Variants in MYO9A observed in about 807,000 individuals in gnomAD.
The protein encoded by MYO9A is myosin IXA.
A neutral mutation model predicts 293.3 loss-of-function variants in MYO9A; 103 were observed. That is an observed-to-expected ratio of 0.35 (90% CI 0.30 to 0.41). MYO9A has a LOEUF of 0.41. MYO9A is among the 10% of genes least tolerant of loss of function. The pLI, the probability that MYO9A is intolerant of heterozygous loss-of-function variation, is 1.00. For missense variants in MYO9A, 2,685 were observed against 3,033.0 expected, an observed-to-expected ratio of 0.89 and a Z score of 2.69; for synonymous variants, 1,001 against 1,035.7, an observed-to-expected ratio of 0.97 and a Z score of 0.64.
At chr15:71,866,345 C>T (rs968687709) in intron 32 of MYO9A, among the ~76,000 whole-genome samples, 38 of 152,078 alleles carry the variant, frequency 2.5e-4, no homozygotes, top group African/African-American at 8.4e-4. Flanking sequence ...TAGTGATTAT[C>T]CGTGCTGAGA....
At chr15:72,009,183 T>C (rs1485458561) in intron 7 of MYO9A, among the ~76,000 whole-genome samples, 1 of 152,226 alleles carries the variant, frequency 6.6e-6, no homozygotes, top group Non-Finnish European at 1.5e-5. Flanking sequence ...CATGAGCCTC[T>C]TTTAAAAATG....
intron 12 of MYO9A, among the ~76,000 whole-genome samples, chr15:71,973,424 T>C (rs2076062053): frequency 1.3e-5 from 2 of 152,138 alleles, no homozygotes; most frequent in Non-Finnish European, 2.9e-5. Context: ...GGCAGTAGCT[T>C]TGGTTTAAAT....
rs759347363 is a variant in MYO9A, at chr15:71,848,856, G to A, written c.6826C>T (p.Arg2276Cys). The change falls in exon 39 of 42, where the codon CGT (arginine) becomes TGT (cysteine). Residue 2276 changes from arginine (R) to cysteine (C), a missense_variant. Coordinates refer to ENST00000356056, the MANE Select transcript of MYO9A (RefSeq NM_006901.4). ...GTGTTGCATCTTACCATTGATCTAC[G>A]AATCAGTGACAACCTGGTCTTTGCC... ...NKAKTRLSLIRRSMGKGRIRR... is the reference protein window; with the variant it reads ...NKAKTRLSLICRSMGKGRIRR... 6.2e-6 allele frequency: 10 copies of A among 1,602,864 alleles called. No homozygotes were observed. In the African/African-American group the frequency reaches 8.1e-5, roughly 13 times the overall value.
intron 14 of MYO9A, among the ~76,000 whole-genome samples, chr15:71,956,827 A>ATG (rs2059209540): frequency 8.0e-6 from 1 of 125,510 alleles, no homozygotes; most frequent in South Asian, 2.4e-4. Flanking sequence ...TATATATGCT[A>ATG]TATATATATA....
At chr15:71,962,778 C>T (rs1334768696) in intron 13 of MYO9A, among the ~76,000 whole-genome samples, 1 of 152,204 alleles carries the variant, frequency 6.6e-6, no homozygotes, top group Non-Finnish European at 1.5e-5. Context: ...GTCTGCCCTA[C>T]TCCTATTAAT....
At chr15:71,963,301 T>C (rs1216774664) in intron 13 of MYO9A, among the ~76,000 whole-genome samples, 1 of 152,096 alleles carries the variant, frequency 6.6e-6, no homozygotes, top group African/African-American at 2.4e-5. Flanking sequence ...CCCAGGCTGA[T>C]CTCGAACTCC....
intron 22 of MYO9A, 139 bp downstream of exon 22, chr15:71,902,802 A>T: frequency 3.2e-6 from 2 of 627,172 alleles, no homozygotes; most frequent in Non-Finnish European, 5.0e-6. Flanking sequence ...CTACATAATT[A>T]AATAAAAACC....
intron 7 of MYO9A, 26 bp downstream of exon 7, chr15:72,010,324 T>C (rs745543839): frequency 1.6e-5 from 26 of 1,581,444 alleles, no homozygotes; most frequent in Non-Finnish European, 2.2e-5. Flanking sequence ...CTATTAGAGA[T>C]ATAAAAATAC....
chr15:71,920,887 A>G (rs891394343), intron 18 of MYO9A, among the ~76,000 whole-genome samples: 2 of 152,196 alleles, frequency 1.3e-5, no homozygotes, highest in Admixed American at 1.3e-4. Context: ...GCAAGCGGTC[A>G]GCAAAAATCG....
At chr15:72,024,846 A>G (rs1304693511) in intron 4 of MYO9A, among the ~76,000 whole-genome samples, 1 of 152,214 alleles carries the variant, frequency 6.6e-6, no homozygotes, top group Non-Finnish European at 1.5e-5. Flanking sequence ...AGAAATGCCA[A>G]TGAAATTAAA....
intron 40 of MYO9A, 24 bp from the exon 41 acceptor site, chr15:71,828,050 A>G (rs2054580867): frequency 6.2e-7 from 1 of 1,601,954 alleles, no homozygotes; most frequent in Non-Finnish European, 8.5e-7. Context: ...TCAAGAAACC[A>G]TTAGCATTTG....
In MYO9A at chr15:72,101,468, G is replaced by A. The variant is rs1596576058; in HGVS notation, c.-72+16212C>T. Among the ~76,000 whole-genome samples the A allele has an allele frequency of 2.0e-4, 24 of 121,056 alleles. No individual in the cohort carries two copies. The South Asian group carries it at 6.8e-3, about 34-fold the overall frequency. 79.4% of individuals were successfully genotyped at this position (121,056 alleles called of 152,430 possible). A position where few individuals can be genotyped will look rare whatever the true frequency, so the allele number is the denominator to read the frequency against. On this transcript the variant is annotated intron_variant, in intron 1 of 41. Transcript: ENST00000356056. ...CCGCCCCGTCCGGGAGGGAGGTGGC[G>A]GGGTCAGCCCCCCGCCCGGCCAGCC... is the stretch of plus-strand genomic sequence containing the variant.
chr15:72,045,958 C>G lies in MYO9A; in HGVS notation c.606G>C (p.Met202Ile). The G allele has an allele frequency of 6.2e-7, 1 of 1,614,122 alleles. No individual in the cohort carries two copies. Among genetic ancestry groups the G allele is most frequent in the Non-Finnish European group, 8.5e-7 (1 of 1,180,024 alleles). The change falls in exon 2 of 42, where the codon ATG (methionine) becomes ATC (isoleucine). Residue 202 changes from methionine (M) to isoleucine (I), a missense_variant. Transcript: ENST00000356056. ...LPIYNPKYVK[M>I]YDNHQLGKLE... ...GTTTTCCCAGTTGGTGGTTATCATA[C>G]ATTTTGACATATTTGGGGTTATAAA...
intron 6 of MYO9A, among the ~76,000 whole-genome samples, chr15:72,011,506 A>T (rs939131982): frequency 1.3e-5 from 2 of 152,148 alleles, no homozygotes; most frequent in Non-Finnish European, 2.9e-5. Context: ...ACATGCCTGT[A>T]ATCCCAGCTA....
At chr15:71,838,102 T>A (rs1007044304) in intron 39 of MYO9A, among the ~76,000 whole-genome samples, 1 of 152,106 alleles carries the variant, frequency 6.6e-6, no homozygotes, top group Non-Finnish European at 1.5e-5. Context: ...AAATTTGACC[T>A]TGTAGACCTC....
intron 2 of MYO9A, among the ~76,000 whole-genome samples, chr15:72,043,218 C>A (rs2078279136): frequency 6.6e-6 from 1 of 152,076 alleles, no homozygotes; most frequent in South Asian, 2.1e-4. Context: ...ATAATAACAT[C>A]CTCAAAAATA....
chr15:72,022,589 C>T (rs1447407683), intron 4 of MYO9A, among the ~76,000 whole-genome samples: 2 of 151,956 alleles, frequency 1.3e-5, no homozygotes, highest in Non-Finnish European at 2.9e-5. Context: ...TAGCTGTCAC[C>T]CAGGTTGGAG....
chr15:71,999,155 T>G (rs1596348195), intron 9 of MYO9A: 1 of 152,306 alleles, frequency 6.6e-6, no homozygotes, highest in African/African-American at 2.4e-5. Flanking sequence ...ACCTGTCTTC[T>G]AATCTTCTAA....
intron 11 of MYO9A, among the ~76,000 whole-genome samples, chr15:71,988,092 T>C (rs2957747): frequency 0.93 from 141,206 of 152,244 alleles, 65,813 homozygotes; most frequent in Non-Finnish European, 0.97. Flanking sequence ...ATAAAGAATG[T>C]TTGTCTTTTT....
Sources: allele counts gnomAD v4.1 joint callset (sites outside exome capture counted in the v4.1 genomes callset), GRCh38; gene constraint gnomAD v4.1.1; transcripts MANE v1.5; gene names NCBI Gene and HGNC (gene_info 2026-07-23, HGNC 2026-07-21).